IYD: variants seen among roughly 807,000 people sequenced by gnomAD.
IYD encodes the protein iodotyrosine deiodinase.
In IYD, 25 loss-of-function variants were observed where a neutral mutation model predicts 28.4. The ratio of observed to expected loss-of-function variants is 0.88; its 90% CI spans 0.64 to 1.23. The LOEUF (loss-of-function observed/expected upper bound fraction) is 1.23, where lower values mean the gene tolerates loss of function less well. Among genes scored for constraint, IYD ranks in the 50% most tolerant of loss-of-function variants. The pLI is 0.00. For synonymous variants in IYD, 140 were observed against 130.8 expected, an observed-to-expected ratio of 1.07 and a Z score of -0.48; for missense variants, 352 against 357.9, an observed-to-expected ratio of 0.98 and a Z score of 0.13.
intron 1 of IYD, among the ~76,000 whole-genome samples, chr6:150,379,059 G>A (rs934179926): frequency 6.6e-6 from 1 of 152,112 alleles, no homozygotes; most frequent in East Asian, 1.9e-4. Flanking sequence ...GCAGCATCTG[G>A]AATCAGGCAG....
rs1342949487 is a variant in IYD, at chr6:150,401,296, C to T, written c.*3059C>T. On this transcript the variant is annotated 3_prime_UTR_variant, in exon 5 of 5. Transcript: ENST00000344419. ...ATTTCATTGGGTTGTTTTGGAATGT[C>T]CCCCACTTGGAGAGTTTGAGGAATG... 3 of 152,066 alleles carry T rather than the reference C, an allele frequency of 2.0e-5. No homozygotes were observed. The highest frequency in any genetic ancestry group is 4.4e-5 in the Non-Finnish European group (3 of 68,020). The allele number at this position is 152,066 out of a possible 1,614,324, so 9.4% of individuals were successfully genotyped here. A position where few individuals can be genotyped will look rare whatever the true frequency, so the allele number is the denominator to read the frequency against.
chr6:150,387,774 A>G (rs557979564), intron 1 of IYD, among the ~76,000 whole-genome samples: 5 of 151,658 alleles, frequency 3.3e-5, no homozygotes, highest in Non-Finnish European at 4.4e-5. Flanking sequence ...CAATTCCAGA[A>G]GTTCTCTATT....
chr6:150,370,182 TGA>T (rs1188844839), intron 1 of IYD, among the ~76,000 whole-genome samples: 1 of 151,802 alleles, frequency 6.6e-6, no homozygotes, highest in Non-Finnish European at 1.5e-5. Flanking sequence ...TGTATGTGTG[TGA>T]GAGTGTGTGT....
At chr6:150,387,878 T>C (rs1190721409) in intron 1 of IYD, among the ~76,000 whole-genome samples, 5 of 152,134 alleles carry the variant, frequency 3.3e-5, no homozygotes, top group African/African-American at 1.2e-4. Context: ...TTCTTTCCTG[T>C]ACCCTACAGA....
intron 2 of IYD, among the ~76,000 whole-genome samples, chr6:150,391,285 A>AT (rs1225124732): frequency 6.6e-6 from 1 of 152,126 alleles, no homozygotes; most frequent in Non-Finnish European, 1.5e-5. Context: ...CCCCAAGGAC[A>AT]AACCTCACAG....
chr6:150,395,512 G>C (rs1407673829), intron 4 of IYD: 2 of 1,537,198 alleles, frequency 1.3e-6, no homozygotes. Context: ...CCTGATTGAG[G>C]GTCCTGGAAG....
intron 1 of IYD, chr6:150,370,128 C>T: frequency 1.5e-6 from 1 of 682,412 alleles, no homozygotes; most frequent in South Asian, 1.6e-5. Context: ...AATGATGCCC[C>T]CATCCCCAAA....
intron 2 of IYD, among the ~76,000 whole-genome samples, chr6:150,392,004 T>C (rs1778138057): frequency 6.6e-6 from 1 of 151,836 alleles, no homozygotes; most frequent in Admixed American, 6.6e-5. Context: ...CCACTGCCCC[T>C]GGCCAAGTAT....
In IYD at chr6:150,398,508, A is replaced by G. The variant is rs1778410435; in HGVS notation, c.*271A>G. 1 of 427,192 alleles carries G rather than the reference A, an allele frequency of 2.3e-6. No homozygotes were observed. Among genetic ancestry groups the G allele is most frequent in the African/African-American group, 2.0e-5 (1 of 50,504 alleles). The allele number at this position is 427,192 out of a possible 1,614,324, so 26.5% of individuals were successfully genotyped here. A position where few individuals can be genotyped will look rare whatever the true frequency, so the allele number is the denominator to read the frequency against. ...TTACATTTTAAAAGTTATTCTAGAC[A>G]ATCACTATTGGCTTTTTTCTTTTAT... On this transcript the variant is annotated 3_prime_UTR_variant, in exon 5 of 5. Coordinates refer to ENST00000344419, the MANE Select transcript of IYD (RefSeq NM_203395.3).
intron 1 of IYD, among the ~76,000 whole-genome samples, chr6:150,388,624 GTTTTTGCTTTCTTTCT>G (rs1344437386): frequency 2.7e-5 from 3 of 111,340 alleles, no homozygotes; most frequent in East Asian, 3.7e-4. Context: ...ATAGTCTGGA[GTTTTTGCTTTCTTTCT>G]TTCTTTCTTT....
At chr6:150,386,713 A>G (rs6906229) in intron 1 of IYD, among the ~76,000 whole-genome samples, 60,396 of 152,030 alleles carry the variant, frequency 0.4, 13,599 homozygotes, top group Non-Finnish European at 0.52. Flanking sequence ...CATATTTAAA[A>G]TTATGTTTTC....
At chr6:150,370,865 G>A (rs1777215746) in intron 1 of IYD, among the ~76,000 whole-genome samples, 1 of 152,166 alleles carries the variant, frequency 6.6e-6, no homozygotes, top group African/African-American at 2.4e-5. Flanking sequence ...CAGCTTAAAG[G>A]GGAAGATGTT....
chr6:150,369,483 G>C (rs1304102713), intron 1 of IYD, among the ~76,000 whole-genome samples: 1 of 152,144 alleles, frequency 6.6e-6, no homozygotes, highest in Non-Finnish European at 1.5e-5. Flanking sequence ...ATTCTGTTCT[G>C]GTTGTTAAAA....
At chr6:150,377,720 C>T (rs1400286234) in intron 1 of IYD, among the ~76,000 whole-genome samples, 1 of 152,212 alleles carries the variant, frequency 6.6e-6, no homozygotes, top group Non-Finnish European at 1.5e-5. Flanking sequence ...GACTTAGTAA[C>T]TTACCTTTCA....
intron 2 of IYD, among the ~76,000 whole-genome samples, chr6:150,391,637 C>T (rs1484924270): frequency 6.6e-6 from 1 of 152,176 alleles, no homozygotes; most frequent in African/African-American, 2.4e-5. Context: ...TTGGCAGCAG[C>T]ATGACAGGGT....
intron 3 of IYD, 97 bp downstream of exon 3, chr6:150,392,601 G>T (rs1354712961): frequency 7.8e-6 from 10 of 1,290,048 alleles, no homozygotes; most frequent in Non-Finnish European, 8.9e-6. Flanking sequence ...GCGTGAAAAA[G>T]CTTGATTCTA....
intron 1 of IYD, among the ~76,000 whole-genome samples, chr6:150,383,793 TAA>T (rs754408425): frequency 1.7e-5 from 1 of 57,254 alleles, no homozygotes; most frequent in Non-Finnish European, 3.3e-5. Context: ...ACCAAGTCTC[TAA>T]AAAAAAAAAA....
At position 150,389,559 on chromosome 6, in the gene IYD, T is replaced by TG; in HGVS notation, c.370+20dup. ...AGAACGGCAGGTTTGTAATTGCAGATGGGGTCTTTGGAAATGTTAGTCACC... is the reference window on the plus strand; with the variant it reads ...AGAACGGCAGGTTTGTAATTGCAGATGGGGGTCTTTGGAAATGTTAGTCACC... On this transcript the variant is annotated intron_variant, in intron 2 of 4. Coordinates refer to ENST00000344419, the MANE Select transcript of IYD (RefSeq NM_203395.3). 6.2e-7 allele frequency: 1 copy of TG among 1,608,760 alleles called. No homozygotes were observed. The highest frequency in any genetic ancestry group is 2.2e-5 in the East Asian group (1 of 44,842).
At chr6:150,393,043 G>A (rs931616557) in intron 3 of IYD, among the ~76,000 whole-genome samples, 1 of 152,212 alleles carries the variant, frequency 6.6e-6, no homozygotes, top group Admixed American at 6.5e-5. Context: ...AGGGAATGGA[G>A]AGTGTTGGTT....
Sources: allele counts gnomAD v4.1 joint callset (sites outside exome capture counted in the v4.1 genomes callset), GRCh38; gene constraint gnomAD v4.1.1; transcripts MANE v1.5; gene names NCBI Gene and HGNC (gene_info 2026-07-23, HGNC 2026-07-21).